LINGO2: variants seen among roughly 807,000 people sequenced by gnomAD.
LINGO2 encodes leucine rich repeat and Ig domain containing 2, also known as leucine-rich repeat and immunoglobulin-like domain-containing nogo receptor-interacting protein 2.
Under a neutral mutation model 30.6 loss-of-function variants are expected in LINGO2, and 14 were observed. The ratio of observed to expected loss-of-function variants is 0.46; its 90% CI spans 0.30 to 0.72. LINGO2 has a LOEUF of 0.72. Among genes scored for constraint, LINGO2 ranks in the 30% least tolerant of loss-of-function variants. The pLI is 0.07. For synonymous variants in LINGO2, 317 were observed against 288.5 expected (o/e 1.10, Z -1.00); for missense variants, 729 against 751.7 (o/e 0.97, Z 0.35).
chr9:28,010,739 G>C (rs1244436736), intron 5 of LINGO2, among the ~76,000 whole-genome samples: 1 of 152,194 alleles, frequency 6.6e-6, no homozygotes, highest in Non-Finnish European at 1.5e-5. Flanking sequence ...GATTGCTTGA[G>C]GCCAGGAGTT....
At chr9:27,989,394 T>C (rs1821279547) in intron 5 of LINGO2, among the ~76,000 whole-genome samples, 1 of 151,868 alleles carries the variant, frequency 6.6e-6, no homozygotes, top group African/African-American at 2.4e-5. Flanking sequence ...TCAAAGCATA[T>C]AGTTTGTGAT....
the LINGO2 span, among the ~76,000 whole-genome samples, chr9:28,945,722 T>A: frequency 6.6e-6 from 1 of 152,174 alleles, no homozygotes; most frequent in African/African-American, 2.4e-5. Context: ...TCCAGGTGGT[T>A]GTAAACACTT....
At chr9:28,316,012 C>T (rs1287633814) in intron 3 of LINGO2, among the ~76,000 whole-genome samples, 1 of 152,086 alleles carries the variant, frequency 6.6e-6, no homozygotes, top group Non-Finnish European at 1.5e-5. Flanking sequence ...AGTCTCTAAA[C>T]CTTTCTTTCC....
intron 1 of LINGO2, among the ~76,000 whole-genome samples, chr9:28,482,616 C>T (rs1409930581): frequency 1.3e-5 from 2 of 152,114 alleles, no homozygotes; most frequent in Non-Finnish European, 2.9e-5. Flanking sequence ...TGTGCAGAAG[C>T]TCTTTAGTTT....
chr9:28,159,895 A>T (rs914239127), intron 4 of LINGO2, among the ~76,000 whole-genome samples: 9 of 152,136 alleles, frequency 5.9e-5, no homozygotes, highest in African/African-American at 1.7e-4. Context: ...AGTAATTGAG[A>T]CTTTTTTAAC....
chr9:29,150,116 C>A, the LINGO2 span, among the ~76,000 whole-genome samples: 1 of 152,166 alleles, frequency 6.6e-6, no homozygotes, highest in African/African-American at 2.4e-5. Flanking sequence ...CTGGCCATTA[C>A]CTAAGCACAA....
chr9:28,214,262 C>T (rs1820690851), intron 4 of LINGO2, among the ~76,000 whole-genome samples: 1 of 151,652 alleles, frequency 6.6e-6, no homozygotes, highest in Non-Finnish European at 1.5e-5. Context: ...CCATGACATT[C>T]TCTTTGCCTG....
the LINGO2 span, among the ~76,000 whole-genome samples, chr9:28,829,314 C>A: frequency 6.6e-6 from 1 of 152,136 alleles, no homozygotes. Context: ...CATGTACTAT[C>A]CTTCAATTTG....
At chr9:28,326,207 A>G (rs1825223392) in intron 3 of LINGO2, among the ~76,000 whole-genome samples, 2 of 152,092 alleles carry the variant, frequency 1.3e-5, no homozygotes, top group Non-Finnish European at 2.9e-5. Context: ...GGATTTCACC[A>G]TGTTGGTCAT....
rs186155852 is a variant in LINGO2, at chr9:28,659,014, T to C, written c.-365+11186A>G. ...AACTGCTGGCAAAAGAGGGTGAAAGTAAATTAAATTCTTTGTTACTATTAT... is the reference window on the plus strand; with the variant it reads ...AACTGCTGGCAAAAGAGGGTGAAAGCAAATTAAATTCTTTGTTACTATTAT... On this transcript the variant is annotated intron_variant, in intron 1 of 5. Coordinates refer to ENST00000379992, the Ensembl canonical transcript of LINGO2. 5.4e-3 allele frequency among the ~76,000 whole-genome samples: 825 copies of C among 152,210 alleles called. 6 individuals are homozygous for C. Among genetic ancestry groups the C allele is most frequent in the Non-Finnish European group, 8.3e-3 (563 of 67,984 alleles).
the LINGO2 span, among the ~76,000 whole-genome samples, chr9:28,805,724 G>A: frequency 6.6e-6 from 1 of 152,104 alleles, no homozygotes; most frequent in Non-Finnish European, 1.5e-5. Context: ...GGAAGGAATT[G>A]TTGTCCCTCA....
At chr9:28,895,829 C>A in the LINGO2 span, among the ~76,000 whole-genome samples, 2 of 151,720 alleles carry the variant, frequency 1.3e-5, no homozygotes, top group Non-Finnish European at 2.9e-5. Context: ...GGAGGCAGAG[C>A]AGATTTGAGG....
intron 5 of LINGO2, among the ~76,000 whole-genome samples, chr9:27,953,368 T>C (rs912523014): frequency 2.0e-5 from 3 of 152,178 alleles, no homozygotes; most frequent in Non-Finnish European, 4.4e-5. Flanking sequence ...AATGGAAATA[T>C]GTAACAGTAG....
At chr9:28,255,364 T>G (rs1490096094) in intron 4 of LINGO2, among the ~76,000 whole-genome samples, 1 of 152,092 alleles carries the variant, frequency 6.6e-6, no homozygotes, top group African/African-American at 2.4e-5. Context: ...CTTATCCTCC[T>G]GTAGAGAAAT....
At chr9:28,533,854 A>C (rs927226254) in intron 1 of LINGO2, among the ~76,000 whole-genome samples, 1 of 152,188 alleles carries the variant, frequency 6.6e-6, no homozygotes, top group African/African-American at 2.4e-5. Context: ...TAAAGGTGGT[A>C]GTGATTTTTC....
chr9:28,908,282 AAT>A, the LINGO2 span, among the ~76,000 whole-genome samples: 1 of 151,244 alleles, frequency 6.6e-6, no homozygotes, highest in Non-Finnish European at 1.5e-5. Flanking sequence ...GTCTATAGCT[AAT>A]ATGGAGCAGA....
At position 28,047,674 on chromosome 9, in the gene LINGO2, T is replaced by C. The variant is rs537114116; in HGVS notation, c.-86-35269A>G. 1.2e-4 allele frequency among the ~76,000 whole-genome samples: 18 copies of C among 151,014 alleles called. 1 individual carries two copies. In the South Asian group the frequency reaches 3.0e-3, roughly 25 times the overall value. ...TAGCTACCTTGTGGGAGGTCTTCTA[T>C]GAATAACCTGAGATAACATAATTAG... On this transcript the variant is annotated intron_variant, in intron 4 of 5. Transcript: ENST00000379992.
chr9:27,984,097 A>C (rs1296454887), intron 5 of LINGO2, among the ~76,000 whole-genome samples: 1 of 151,898 alleles, frequency 6.6e-6, no homozygotes, highest in East Asian at 1.9e-4. Context: ...AAGAACAAAC[A>C]GAAAAACAAG....
the LINGO2 span, among the ~76,000 whole-genome samples, chr9:29,095,426 G>C: frequency 1.5e-5 from 2 of 136,044 alleles, no homozygotes; most frequent in Non-Finnish European, 3.2e-5. Context: ...TCAGGATAAG[G>C]AAAATAATAA....
Sources: gnomAD v4.1 joint callset for allele counts (sites outside exome capture counted in the v4.1 genomes callset) on GRCh38, gnomAD v4.1.1 for gene constraint, MANE v1.5 for transcripts, NCBI Gene and HGNC (gene_info 2026-07-23, HGNC 2026-07-21) for gene names.